ADCY2: variants seen among roughly 807,000 people sequenced by gnomAD.
The protein encoded by ADCY2 is adenylate cyclase 2, also known as adenylate cyclase type 2.
A neutral mutation model predicts 125.2 loss-of-function variants in ADCY2; 31 were observed. The ratio of observed to expected loss-of-function variants is 0.25; its 90% CI spans 0.19 to 0.33. The LOEUF (loss-of-function observed/expected upper bound fraction) is 0.33, where lower values mean the gene tolerates loss of function less well. Ranked by LOEUF, ADCY2 falls within the 10% of genes least tolerant of loss-of-function variation. ADCY2 has a pLI of 1.00. For missense variants in ADCY2, 904 were observed against 1,418.2 expected, an observed-to-expected ratio of 0.64 and a Z score of 5.82; for synonymous variants, 512 against 548.4, an observed-to-expected ratio of 0.93 and a Z score of 0.93.
chr5:7,713,822 C>T (rs1055730942), intron 11 of ADCY2, among the ~76,000 whole-genome samples: 2 of 152,096 alleles, frequency 1.3e-5, no homozygotes, highest in African/African-American at 4.8e-5. Flanking sequence ...CTTTCTTTCT[C>T]CCCAGAGAGG....
At chr5:7,637,688 A>T (rs1048753423) in intron 4 of ADCY2, among the ~76,000 whole-genome samples, 4 of 152,194 alleles carry the variant, frequency 2.6e-5, no homozygotes, top group Non-Finnish European at 5.9e-5. Context: ...ATACATTAAG[A>T]CAAAAATTCA....
intron 1 of ADCY2, among the ~76,000 whole-genome samples, chr5:7,411,269 C>T (rs931885752): frequency 3.3e-5 from 5 of 152,102 alleles, no homozygotes; most frequent in African/African-American, 4.8e-5. Flanking sequence ...TGTCTCAAGC[C>T]GTTGGCCGTC....
At chr5:7,475,438 A>G (rs928269651) in intron 2 of ADCY2, among the ~76,000 whole-genome samples, 1 of 151,640 alleles carries the variant, frequency 6.6e-6, no homozygotes, top group Non-Finnish European at 1.5e-5. Context: ...CTGGAGTGCA[A>G]TGGCACCATC....
In ADCY2 at chr5:7,820,572, C is replaced by T. The variant is rs1745266445; in HGVS notation, c.3006C>T (p.Asn1002=). The T allele has an allele frequency of 1.2e-6, 2 of 1,613,802 alleles. No homozygotes were observed. Among genetic ancestry groups the T allele is most frequent in the African/African-American group, 2.7e-5 (2 of 74,994 alleles). The change falls in exon 24 of 25, where the codon AAC becomes AAT. Residue 1002 remains asparagine, a synonymous_variant. Coordinates refer to ENST00000338316, the MANE Select transcript of ADCY2 (RefSeq NM_020546.3). ...AACTCTGATGTGGCACAGGTATTAA[C>T]CATGGACCTGTGATAGCTGGTGTGA... ...FNDFKLRVGI[N]HGPVIAGVIG...
At position 7,802,102 on chromosome 5, in the gene ADCY2, T is replaced by G. The variant is rs1579453480; in HGVS notation, c.2629-116T>G. ...CGCGGCTGGGGTGGGGCAAGTGGAGTAGGCATTTGGGCGATGTCTGTGTGA... is the reference window on the plus strand; with the variant it reads ...CGCGGCTGGGGTGGGGCAAGTGGAGGAGGCATTTGGGCGATGTCTGTGTGA... On this transcript the variant is annotated intron_variant, in intron 20 of 24. Transcript: ENST00000338316. The surrounding 1 kb of genome is among the most constrained non-coding windows in gnomAD (Gnocchi z 4.6). 2 of 1,205,064 alleles carry G rather than the reference T, an allele frequency of 1.7e-6. No homozygotes were observed. The highest frequency in any genetic ancestry group is 1.2e-6 in the Non-Finnish European group (1 of 862,752). 74.6% of individuals were successfully genotyped at this position (1,205,064 alleles called of 1,614,324 possible).
intron 4 of ADCY2, among the ~76,000 whole-genome samples, chr5:7,673,263 A>ATAT (rs1579301417): frequency 8.2e-4 from 4 of 4,898 alleles, no homozygotes; most frequent in East Asian, 6.8e-3. Flanking sequence ...AAAAAAAAAA[A>ATAT]AAAAAAATAT....
At chr5:7,680,357 A>C (rs1740288823) in intron 4 of ADCY2, among the ~76,000 whole-genome samples, 1 of 152,146 alleles carries the variant, frequency 6.6e-6, no homozygotes, top group African/African-American at 2.4e-5. Flanking sequence ...AAATGCTGAT[A>C]GCGCTGAGGG....
At chr5:7,442,691 T>C (rs927414913) in intron 2 of ADCY2, among the ~76,000 whole-genome samples, 1 of 152,212 alleles carries the variant, frequency 6.6e-6, no homozygotes, top group Non-Finnish European at 1.5e-5. Context: ...TTTCTTGAAA[T>C]TATCCTGTAA....
At chr5:7,512,232 A>AAAAAG (rs1239291965) in intron 2 of ADCY2, among the ~76,000 whole-genome samples, 1 of 148,162 alleles carries the variant, frequency 6.7e-6, no homozygotes, top group Non-Finnish European at 1.5e-5. Context: ...AAAAAAAAAA[A>AAAAAG]AAAAAAAAGA....
intron 22 of ADCY2, among the ~76,000 whole-genome samples, chr5:7,805,461 A>T (rs958842958): frequency 2.3e-4 from 35 of 151,322 alleles, no homozygotes; most frequent in Middle Eastern, 3.4e-3. Context: ...TGTGTGTGAG[A>T]GAGAGAGAGA....
chr5:7,551,813 A>G (rs1224046669), intron 3 of ADCY2, among the ~76,000 whole-genome samples: 3 of 152,194 alleles, frequency 2.0e-5, no homozygotes, highest in African/African-American at 7.2e-5. Context: ...CCCAGTATGT[A>G]ATTATTAACT....
chr5:7,741,689 CCA>C (rs1742423583), intron 14 of ADCY2, among the ~76,000 whole-genome samples: 1 of 3,994 alleles, frequency 2.5e-4, no homozygotes, highest in Non-Finnish European at 5.9e-4. Flanking sequence ...ATCACCGTCA[CCA>C]TCATCACCAT....
At chr5:7,500,506 C>T (rs916863190) in intron 2 of ADCY2, among the ~76,000 whole-genome samples, 4 of 152,128 alleles carry the variant, frequency 2.6e-5, no homozygotes, top group South Asian at 2.1e-4. Flanking sequence ...AGTGTGTCCC[C>T]GTGCTATGAT....
chr5:7,724,470 G>T, intron 12 of ADCY2, 75 bp from the exon 13 acceptor site: 7 of 1,101,186 alleles, frequency 6.4e-6, no homozygotes, highest in Non-Finnish European at 9.6e-6. Flanking sequence ...AAGATCGCAA[G>T]TCATTTTAAA....
Position 7,695,860 on chromosome 5 carries a change from A to C in ADCY2, c.978A>C (p.Ala326=). The change falls in exon 6 of 25, where the codon GCA becomes GCC. Residue 326 remains alanine, a synonymous_variant. Transcript: ENST00000338316. ...NELFGKFDQI[A]KENECMRIKI... ...TCTTTGGAAAGTTTGATCAAATTGC[A>C]AAGGTGAGTATTATGGATTCTTTTC... The C allele has an allele frequency of 2.5e-6, 4 of 1,603,046 alleles. No homozygotes were observed. Among genetic ancestry groups the C allele is most frequent in the Non-Finnish European group, 3.4e-6 (4 of 1,171,586 alleles).
At chr5:7,511,171 T>C (rs1384142466) in intron 2 of ADCY2, among the ~76,000 whole-genome samples, 1 of 152,188 alleles carries the variant, frequency 6.6e-6, no homozygotes, top group Non-Finnish European at 1.5e-5. Flanking sequence ...ACAGTGTCCT[T>C]GTCCCCATAG....
At chr5:7,736,840 A>C (rs1275424186) in intron 14 of ADCY2, among the ~76,000 whole-genome samples, 4 of 152,192 alleles carry the variant, frequency 2.6e-5, no homozygotes, top group Admixed American at 2.0e-4. Flanking sequence ...TTGTTAGTAG[A>C]TTAACACATA....
chr5:7,630,031 C>T (rs1233966733), intron 4 of ADCY2, among the ~76,000 whole-genome samples: 2 of 152,086 alleles, frequency 1.3e-5, no homozygotes, highest in Admixed American at 1.3e-4. Flanking sequence ...CTGAACCATC[C>T]TGTGGATCAA....
intron 22 of ADCY2, among the ~76,000 whole-genome samples, chr5:7,810,624 C>A (rs1188090423): frequency 6.6e-6 from 1 of 151,766 alleles, no homozygotes; most frequent in Non-Finnish European, 1.5e-5. Context: ...GGGTTATCTA[C>A]CTGATGAGTG....
Sources: gnomAD v4.1 joint callset for allele counts (sites outside exome capture counted in the v4.1 genomes callset) on GRCh38, gnomAD v4.1.1 for gene constraint, Gnocchi (gnomAD v3.1) non-coding constraint, MANE v1.5 for transcripts, NCBI Gene and HGNC (gene_info 2026-07-23, HGNC 2026-07-21) for gene names.